The following LPIN2 variants were observed in gnomAD, a reference collection of about 807,000 sequenced individuals.
LPIN2 encodes the protein phosphatidate phosphatase LPIN2.
In LPIN2, 55 loss-of-function variants were observed where a neutral mutation model predicts 111.4. The ratio of observed to expected loss-of-function variants is 0.49; its 90% CI spans 0.40 to 0.62. The LOEUF (loss-of-function observed/expected upper bound fraction) is 0.62. LPIN2 is among the 20% of genes least tolerant of loss of function. The pLI, the probability that LPIN2 is intolerant of heterozygous loss-of-function variation, is 0.00. For synonymous variants in LPIN2, 425 were observed against 414.0 expected (o/e 1.03, Z -0.32); for missense variants, 992 against 1,112.1 (o/e 0.89, Z 1.54).
intron 1 of LPIN2, among the ~76,000 whole-genome samples, chr18:3,010,647 A>C (rs2078587374): frequency 6.6e-6 from 1 of 152,224 alleles, no homozygotes; most frequent in Non-Finnish European, 1.5e-5. Flanking sequence ...AAAGATGGAA[A>C]GACTTAAATC....
At position 2,975,867 on chromosome 18, in the gene LPIN2, G is replaced by A. The variant is rs192901044; in HGVS notation, c.-9-15018C>T. On this transcript the variant is annotated intron_variant, in intron 1 of 19. Transcript: ENST00000677752. ...ATAGAAGCCATGTGCAGTATTTTCA[G>A]GGTTGACTATCACTGACATTGGTGG... 5.8e-3 allele frequency among the ~76,000 whole-genome samples: 885 copies of A among 152,262 alleles called. 2 individuals carry two copies. The highest frequency in any genetic ancestry group is 0.02 in the African/African-American group (839 of 41,544).
At chr18:2,943,765 G>A (rs1411044510) in intron 4 of LPIN2, among the ~76,000 whole-genome samples, 1 of 152,062 alleles carries the variant, frequency 6.6e-6, no homozygotes, top group African/African-American at 2.4e-5. Flanking sequence ...AACTTTCACT[G>A]CCCAGAGTTT....
At chr18:2,955,414 T>C (rs566951230) in intron 2 of LPIN2, among the ~76,000 whole-genome samples, 119 of 150,976 alleles carry the variant, frequency 7.9e-4, no homozygotes, top group Middle Eastern at 3.4e-3. Flanking sequence ...TGCCACACAC[T>C]TTTAAAACAA....
Position 2,920,353 on chromosome 18 carries a change from G to C in LPIN2, c.2631C>G (p.Phe877Leu). ...GGTCTCGCCAGTAGCAGAAGGAGCT[G>C]AACTCCGGGCAGGGAAAAGCGGAAT... ...EQNSAFPCPE[F>L]SSFCYWRDPI... is the part of the protein sequence containing the mutation. The change falls in exon 20 of 20, where the codon TTC (phenylalanine) becomes TTG (leucine). Residue 877 changes from phenylalanine (F) to leucine (L), a missense_variant. Coordinates refer to ENST00000677752, the MANE Select transcript of LPIN2 (RefSeq NM_001375808.2). 1 of 1,614,156 alleles carries C rather than the reference G, an allele frequency of 6.2e-7. No homozygotes were observed. Among genetic ancestry groups the C allele is most frequent in the Non-Finnish European group, 8.5e-7 (1 of 1,180,044 alleles).
chr18:2,972,127 C>T (rs1567845467), intron 1 of LPIN2, among the ~76,000 whole-genome samples: 2 of 152,110 alleles, frequency 1.3e-5, no homozygotes, highest in Non-Finnish European at 2.9e-5. Context: ...AAAAGCAATG[C>T]CCATGTGTTC....
chr18:2,998,337 G>C (rs2078376416), intron 1 of LPIN2, among the ~76,000 whole-genome samples: 1 of 152,238 alleles, frequency 6.6e-6, no homozygotes, highest in African/African-American at 2.4e-5. Flanking sequence ...ACTTCAACAA[G>C]AGAGAAGGAC....
chr18:2,945,627 T>G, intron 4 of LPIN2: 1 of 1,505,790 alleles, frequency 6.6e-7, no homozygotes, highest in East Asian at 2.3e-5. Context: ...TCGGTTCAGC[T>G]TTTCTCATAG....
In LPIN2 at chr18:2,932,032, G is replaced by A. The variant is rs189329983; in HGVS notation, c.1269-589C>T. On this transcript the variant is annotated intron_variant, in intron 8 of 19. Coordinates refer to ENST00000677752, the MANE Select transcript of LPIN2 (RefSeq NM_001375808.2). ...AAGAAATGTATTCAGAAATAAACTG[G>A]ATGTAACTGTTATTCCAGGAGCTAA... 1.2e-4 allele frequency among the ~76,000 whole-genome samples: 19 copies of A among 152,220 alleles called. No homozygotes were observed. In the East Asian group the frequency reaches 2.7e-3, roughly 22 times the overall value.
intron 1 of LPIN2, among the ~76,000 whole-genome samples, chr18:2,984,083 A>G (rs756697247): frequency 1.2e-4 from 19 of 152,234 alleles, no homozygotes; most frequent in Non-Finnish European, 2.4e-4. Context: ...AAACTTCACA[A>G]AAGACAAAAT....
intron 1 of LPIN2, among the ~76,000 whole-genome samples, chr18:3,005,586 A>C (rs1191712898): frequency 6.6e-6 from 1 of 152,102 alleles, no homozygotes; most frequent in Non-Finnish European, 1.5e-5. Flanking sequence ...CACAGGCAAG[A>C]GGATTGCTTG....
At chr18:2,938,862 T>G (rs1350075970) in intron 6 of LPIN2, among the ~76,000 whole-genome samples, 1 of 152,236 alleles carries the variant, frequency 6.6e-6, no homozygotes, top group Non-Finnish European at 1.5e-5. Flanking sequence ...TTGTTTAAAA[T>G]TTCAGTGTTG....
At chr18:2,967,293 G>C (rs536206962) in intron 1 of LPIN2, among the ~76,000 whole-genome samples, 1 of 151,864 alleles carries the variant, frequency 6.6e-6, no homozygotes, top group African/African-American at 2.4e-5. Flanking sequence ...GTCCCTGAGG[G>C]CAAAAAAAAT....
At chr18:2,947,222 G>C (rs9675656) in intron 4 of LPIN2, among the ~76,000 whole-genome samples, 10,818 of 152,160 alleles carry the variant, frequency 0.071, 457 homozygotes, top group Non-Finnish European at 0.097. Flanking sequence ...GCTATTGCTG[G>C]GTATTTGAAA....
Position 2,925,707 on chromosome 18 carries a change from AT to A in LPIN2, c.1794-340del, listed in dbSNP as rs2077121309. Among the ~76,000 whole-genome samples, 1 of 152,198 alleles carries A rather than the reference AT, an allele frequency of 6.6e-6. No homozygotes were observed. Among genetic ancestry groups the A allele is most frequent in the African/African-American group, 2.4e-5 (1 of 41,452 alleles). On this transcript the variant is annotated intron_variant, in intron 13 of 19. Transcript: ENST00000677752. The surrounding 1 kb of genome is among the most constrained non-coding windows in gnomAD (Gnocchi z 4.1). ...ATCAAAGAAAACATAATCGCTTACAATGATTTAACAAACTCCGGCTGGGTGC... is the reference window on the plus strand; with the variant it reads ...ATCAAAGAAAACATAATCGCTTACAAGATTTAACAAACTCCGGCTGGGTGC...
intron 1 of LPIN2, among the ~76,000 whole-genome samples, chr18:2,961,469 A>G (rs140410927): frequency 4.7e-4 from 71 of 152,336 alleles, no homozygotes; most frequent in Middle Eastern, 3.4e-3. Flanking sequence ...ATGACTCAAT[A>G]TAACTAACTG....
chr18:2,930,921 C>T (rs184390492), intron 9 of LPIN2, among the ~76,000 whole-genome samples: 69 of 152,342 alleles, frequency 4.5e-4, no homozygotes, highest in African/African-American at 1.6e-3. Flanking sequence ...GCCCCAGTTC[C>T]ACAAATGTTT....
intron 1 of LPIN2, among the ~76,000 whole-genome samples, chr18:2,970,809 A>T (rs151210477): frequency 6.6e-6 from 1 of 152,238 alleles, no homozygotes; most frequent in Admixed American, 6.5e-5. Flanking sequence ...CTCAGGGCTG[A>T]TAAGTTTTAA....
At chr18:2,960,546 T>C in intron 2 of LPIN2, 103 bp downstream of exon 2, 1 of 1,141,018 alleles carries the variant, frequency 8.8e-7, no homozygotes, top group South Asian at 1.3e-5. Context: ...AAACTCACAA[T>C]AGCGATTTAT....
At chr18:2,990,372 G>C (rs1398402110) in intron 1 of LPIN2, among the ~76,000 whole-genome samples, 2 of 152,144 alleles carry the variant, frequency 1.3e-5, no homozygotes, top group Non-Finnish European at 2.9e-5. Context: ...CATACAGAAT[G>C]TAAGAAAATA....
Sources: allele counts gnomAD v4.1 joint callset (sites outside exome capture counted in the v4.1 genomes callset), GRCh38; gene constraint gnomAD v4.1.1; non-coding constraint Gnocchi (gnomAD v3.1); transcripts MANE v1.5; gene names NCBI Gene and HGNC (gene_info 2026-07-23, HGNC 2026-07-21).